SDK1: variants seen among roughly 807,000 people sequenced by gnomAD.
SDK1 encodes the protein protein sidekick-1.
SDK1 carries 157 observed loss-of-function variants against 245.5 expected under a neutral mutation model. The ratio of observed to expected loss-of-function variants is 0.64; its 90% CI spans 0.56 to 0.73. SDK1 has a LOEUF of 0.73. SDK1 is among the 30% of genes least tolerant of loss of function. The pLI, the probability that SDK1 is intolerant of heterozygous loss-of-function variation, is 0.00. For synonymous variants in SDK1, 1,647 were observed against 1,278.5 expected, an observed-to-expected ratio of 1.29 and a Z score of -6.15; for missense variants, 3,583 against 3,002.3, an observed-to-expected ratio of 1.19 and a Z score of -4.52.
chr7:3,606,665 TCC>T (rs1365339436), intron 1 of SDK1, among the ~76,000 whole-genome samples: 4 of 152,170 alleles, frequency 2.6e-5, no homozygotes, highest in African/African-American at 9.7e-5. Flanking sequence ...ATCAGCTGCT[TCC>T]CTTTCTTACT....
rs75316026 is a variant in SDK1 at position 3,886,134 on chromosome 7, C to T, written c.847+64551C>T. ...GAACAAAGGGAGGTGGTGCAAAACA[C>T]GGACTGTACAGTTATCCTACGTCAG... On this transcript the variant is annotated intron_variant, in intron 5 of 44. Coordinates refer to ENST00000404826, the MANE Select transcript of SDK1 (RefSeq NM_152744.4). Among the ~76,000 whole-genome samples, 1,099 of 152,296 alleles carry T rather than the reference C, an allele frequency of 7.2e-3. 14 individuals carry two copies. The highest frequency in any genetic ancestry group is 0.02 in the African/African-American group (842 of 41,552).
intron 19 of SDK1, among the ~76,000 whole-genome samples, chr7:4,060,908 C>A (rs1779497303): frequency 6.6e-6 from 1 of 151,592 alleles, no homozygotes; most frequent in Admixed American, 6.6e-5. Context: ...AATCCTTTAC[C>A]CATTGCTTGT....
At position 3,723,505 on chromosome 7, in the gene SDK1, A is replaced by G. The variant is rs192038329; in HGVS notation, c.713+81400A>G. 1.4e-3 allele frequency among the ~76,000 whole-genome samples: 215 copies of G among 152,314 alleles called. 4 individuals are homozygous for G. The South Asian group carries it at 0.022, about 15-fold the overall frequency. On this transcript the variant is annotated intron_variant, in intron 4 of 44. Coordinates refer to ENST00000404826, the MANE Select transcript of SDK1 (RefSeq NM_152744.4). ...TTCTTTATTCACACACTAGTAGCAAAATTAGAAACATCAGTGAGAAAATTA... is the reference window on the plus strand; with the variant it reads ...TTCTTTATTCACACACTAGTAGCAAGATTAGAAACATCAGTGAGAAAATTA...
intron 30 of SDK1, among the ~76,000 whole-genome samples, chr7:4,150,507 G>A (rs914846499): frequency 3.3e-5 from 5 of 152,236 alleles, no homozygotes; most frequent in Non-Finnish European, 5.9e-5. Context: ...GGGAGACCAT[G>A]ATCCCACTCT....
intron 5 of SDK1, among the ~76,000 whole-genome samples, chr7:3,834,584 C>T (rs573494371): frequency 6.6e-6 from 1 of 152,260 alleles, no homozygotes; most frequent in East Asian, 1.9e-4. Context: ...CTGTCTATGA[C>T]CGGGAACTGC....
At chr7:3,752,949 C>T (rs964193733) in intron 4 of SDK1, among the ~76,000 whole-genome samples, 1 of 152,132 alleles carries the variant, frequency 6.6e-6, no homozygotes, top group Non-Finnish European at 1.5e-5. Context: ...GTTGTTATCT[C>T]AGTCTTAAAT....
At chr7:3,869,202 C>G (rs1376991692) in intron 5 of SDK1, among the ~76,000 whole-genome samples, 1 of 142,644 alleles carries the variant, frequency 7.0e-6, no homozygotes, top group Non-Finnish European at 1.5e-5. Flanking sequence ...GTCGCCCAGG[C>G]TGGAGTGCAG....
At chr7:3,633,072 C>G (rs948778721) in intron 2 of SDK1, among the ~76,000 whole-genome samples, 8 of 151,976 alleles carry the variant, frequency 5.3e-5, no homozygotes, top group African/African-American at 1.7e-4. Context: ...TACCTTAACC[C>G]ATATTTTTTT....
chr7:3,956,293 G>A (rs1021171254), intron 7 of SDK1, among the ~76,000 whole-genome samples: 3 of 152,184 alleles, frequency 2.0e-5, no homozygotes, highest in Non-Finnish European at 2.9e-5. Context: ...TAACTCACGG[G>A]CTTTTCACGG....
intron 4 of SDK1, among the ~76,000 whole-genome samples, chr7:3,655,614 C>G (rs971300364): frequency 6.7e-6 from 1 of 149,858 alleles, no homozygotes; most frequent in Non-Finnish European, 1.5e-5. Flanking sequence ...AATTGTAATC[C>G]CAGAAATGAG....
rs376154266 is a variant in SDK1, at chr7:3,315,330, C to T, written c.298+13446C>T. ...TACAGTATCATACATCCTTACAACCCTATTTTATAGTTGAGGAAATTGAGG... is the reference window on the plus strand; with the variant it reads ...TACAGTATCATACATCCTTACAACCTTATTTTATAGTTGAGGAAATTGAGG... On this transcript the variant is annotated intron_variant, in intron 1 of 44. Transcript: ENST00000404826. Among the ~76,000 whole-genome samples, 10 of 152,206 alleles carry T rather than the reference C, an allele frequency of 6.6e-5. No individual in the cohort carries two copies. The East Asian group carries it at 9.6e-4, about 15-fold the overall frequency.
At chr7:3,792,581 G>A (rs1263394041) in intron 4 of SDK1, among the ~76,000 whole-genome samples, 2 of 151,624 alleles carry the variant, frequency 1.3e-5, no homozygotes, top group African/African-American at 2.4e-5. Flanking sequence ...GCCATCAGGT[G>A]CCTGAATATT....
intron 1 of SDK1, among the ~76,000 whole-genome samples, chr7:3,351,582 A>T (rs531291071): frequency 1.3e-5 from 2 of 152,338 alleles, no homozygotes; most frequent in Admixed American, 1.3e-4. Context: ...AGAAGGCAAA[A>T]TAATGGAAAA....
intron 1 of SDK1, among the ~76,000 whole-genome samples, chr7:3,573,060 G>A (rs1456538577): frequency 6.6e-6 from 1 of 152,092 alleles, no homozygotes; most frequent in East Asian, 1.9e-4. Flanking sequence ...GCACAGCCAA[G>A]TGGGGCTTGG....
intron 5 of SDK1, among the ~76,000 whole-genome samples, chr7:3,870,784 C>G (rs950345662): frequency 6.6e-6 from 1 of 152,112 alleles, no homozygotes; most frequent in African/African-American, 2.4e-5. Flanking sequence ...CATTTTTCCA[C>G]TAATGTTTTT....
In SDK1 at chr7:3,856,056, C is replaced by G. The variant is rs1780537737; in HGVS notation, c.847+34473C>G. On this transcript the variant is annotated intron_variant, in intron 5 of 44. Transcript: ENST00000404826. The stretch of plus-strand genomic sequence containing the variant: ...TAGCATTAATACAGAACTAACATTC[C>G]AAGAGTTATCAACCAGAGATTTTGG... 2.0e-5 allele frequency among the ~76,000 whole-genome samples: 3 copies of G among 151,950 alleles called. No individual in the cohort carries two copies. The South Asian group carries it at 6.2e-4, about 32-fold the overall frequency.
chr7:4,045,640 G>C (rs942677809), intron 17 of SDK1, among the ~76,000 whole-genome samples: 3 of 152,032 alleles, frequency 2.0e-5, no homozygotes, highest in Non-Finnish European at 2.9e-5. Flanking sequence ...GTTTAACTTC[G>C]TAAGAAAGCA....
At chr7:3,823,926 C>G (rs1275095690) in intron 5 of SDK1, among the ~76,000 whole-genome samples, 3 of 151,280 alleles carry the variant, frequency 2.0e-5, no homozygotes, top group Non-Finnish European at 4.4e-5. Context: ...TAAATGGCAA[C>G]CAATTATGCT....
intron 1 of SDK1, among the ~76,000 whole-genome samples, chr7:3,478,878 G>A (rs915015866): frequency 1.3e-5 from 2 of 151,428 alleles, no homozygotes; most frequent in Non-Finnish European, 3.0e-5. Context: ...TCCAATATAT[G>A]GTGTTTTTAT....
Sources: allele counts gnomAD v4.1 joint callset (sites outside exome capture counted in the v4.1 genomes callset), GRCh38; gene constraint gnomAD v4.1.1; transcripts MANE v1.5; gene names NCBI Gene and HGNC (gene_info 2026-07-23, HGNC 2026-07-21).